The following INSYN2B variants were observed in gnomAD, a reference collection of about 807,000 sequenced individuals.
The protein encoded by INSYN2B is inhibitory synaptic factor family member 2B, also known as protein INSYN2B.
INSYN2B carries 16 observed loss-of-function variants against 41.2 expected under a neutral mutation model. The observed-to-expected ratio is 0.39, with a 90% CI of 0.26 to 0.59. The LOEUF (loss-of-function observed/expected upper bound fraction) is 0.59. INSYN2B is among the 20% of genes least tolerant of loss of function. INSYN2B has a pLI of 0.57. For synonymous variants in INSYN2B, 245 were observed against 244.4 expected (o/e 1.00, Z -0.02); for missense variants, 608 against 646.4 (o/e 0.94, Z 0.64).
At chr5:169,886,100 G>C (rs1772952604) in intron 1 of INSYN2B, among the ~76,000 whole-genome samples, 1 of 152,088 alleles carries the variant, frequency 6.6e-6, no homozygotes, top group Non-Finnish European at 1.5e-5. Context: ...GGAGTGATCT[G>C]CATCTCTCTT....
intron 1 of INSYN2B, among the ~76,000 whole-genome samples, chr5:169,932,021 T>A (rs1775779955): frequency 6.6e-6 from 1 of 152,038 alleles, no homozygotes. Context: ...CCCAACAGAG[T>A]CCTGACCTCA....
At chr5:169,898,899 GC>G (rs1280396386) in intron 1 of INSYN2B, among the ~76,000 whole-genome samples, 2 of 152,180 alleles carry the variant, frequency 1.3e-5, no homozygotes, top group Non-Finnish European at 2.9e-5. Flanking sequence ...ATGGAAATGA[GC>G]AACCACAGAG....
At chr5:169,975,456 G>A (rs1378548843) in intron 1 of INSYN2B, among the ~76,000 whole-genome samples, 1 of 152,166 alleles carries the variant, frequency 6.6e-6, no homozygotes, top group African/African-American at 2.4e-5. Context: ...ACTGCTGCCT[G>A]TCTCTCTGAC....
chr5:169,972,136 C>T (rs955130932), intron 1 of INSYN2B, among the ~76,000 whole-genome samples: 1 of 152,118 alleles, frequency 6.6e-6, no homozygotes, highest in Non-Finnish European at 1.5e-5. Flanking sequence ...CTAAGATGTC[C>T]TTTCCCATTC....
At chr5:169,980,101 A>G (rs1438770289) in intron 1 of INSYN2B, among the ~76,000 whole-genome samples, 176 bp downstream of exon 1, 1 of 152,184 alleles carries the variant, frequency 6.6e-6, no homozygotes, top group African/African-American at 2.4e-5. Context: ...GGCAGCCTGC[A>G]GTTCTGACAA....
chr5:169,924,424 C>A (rs1775331934), intron 1 of INSYN2B, among the ~76,000 whole-genome samples: 1 of 152,174 alleles, frequency 6.6e-6, no homozygotes, highest in Non-Finnish European at 1.5e-5. Flanking sequence ...TCCAACCATC[C>A]TGTCAGCAAA....
intron 1 of INSYN2B, among the ~76,000 whole-genome samples, chr5:169,959,147 C>T (rs1342497626): frequency 6.6e-6 from 1 of 152,052 alleles, no homozygotes; most frequent in East Asian, 1.9e-4. Context: ...AATCCCAGCA[C>T]TTTGGGAGGC....
At chr5:169,888,514 C>T (rs2113529205) in intron 1 of INSYN2B, among the ~76,000 whole-genome samples, 2 of 152,270 alleles carry the variant, frequency 1.3e-5, no homozygotes, top group Middle Eastern at 3.4e-3. Context: ...AATCAGTGTC[C>T]ATTCAGTAGA....
chr5:169,933,646 C>T (rs747403052), intron 1 of INSYN2B, among the ~76,000 whole-genome samples: 1 of 152,132 alleles, frequency 6.6e-6, no homozygotes, highest in Non-Finnish European at 1.5e-5. Context: ...TGAGGAGTAA[C>T]AGCTGTAGAA....
intron 1 of INSYN2B, among the ~76,000 whole-genome samples, chr5:169,950,698 G>A (rs181831755): frequency 8.5e-5 from 13 of 152,240 alleles, no homozygotes; most frequent in South Asian, 2.1e-4. Context: ...GAATTTTGTC[G>A]TTATTCCTGG....
intron 1 of INSYN2B, among the ~76,000 whole-genome samples, chr5:169,928,966 G>A (rs950928596): frequency 3.9e-5 from 6 of 152,198 alleles, no homozygotes; most frequent in South Asian, 2.1e-4. Context: ...CTTTGAGATA[G>A]ACTAAAAGGC....
chr5:169,956,039 GA>G (rs577395351), intron 1 of INSYN2B, among the ~76,000 whole-genome samples: 2,146 of 132,694 alleles, frequency 0.016, 13 homozygotes, highest in African/African-American at 0.029. Flanking sequence ...ACATAGATTT[GA>G]AAAAAAAAAA....
chr5:169,872,212 C>T (rs1040112964), intron 3 of INSYN2B, among the ~76,000 whole-genome samples: 9 of 152,228 alleles, frequency 5.9e-5, no homozygotes, highest in African/African-American at 2.2e-4. Context: ...CACTGATTTA[C>T]TGACCTCCTG....
intron 1 of INSYN2B, among the ~76,000 whole-genome samples, chr5:169,962,622 G>C (rs186303676): frequency 1.3e-5 from 2 of 152,240 alleles, no homozygotes; most frequent in East Asian, 3.9e-4. Flanking sequence ...GTTAGACAAA[G>C]AGGTTAGACA....
intron 1 of INSYN2B, among the ~76,000 whole-genome samples, chr5:169,978,298 G>A (rs1777791473): frequency 1.5e-5 from 2 of 133,558 alleles, no homozygotes; most frequent in Non-Finnish European, 3.1e-5. Flanking sequence ...TATTTTGTTT[G>A]TTTGTTTCCC....
chr5:169,974,698 A>C (rs1421230401), intron 1 of INSYN2B, among the ~76,000 whole-genome samples: 1 of 152,132 alleles, frequency 6.6e-6, no homozygotes, highest in Non-Finnish European at 1.5e-5. Flanking sequence ...GTGTGAACTG[A>C]GGAATATACC....
At chr5:169,900,397 T>C (rs973310710) in intron 1 of INSYN2B, among the ~76,000 whole-genome samples, 1 of 152,030 alleles carries the variant, frequency 6.6e-6, no homozygotes, top group Non-Finnish European at 1.5e-5. Context: ...GAAATGGAAG[T>C]TTTTCCTTCC....
chr5:169,868,799 ATG>A (rs1381530095), intron 3 of INSYN2B, among the ~76,000 whole-genome samples: 1 of 152,174 alleles, frequency 6.6e-6, no homozygotes, highest in Non-Finnish European at 1.5e-5. Flanking sequence ...TGATTCTAGA[ATG>A]TGTATGGAAC....
At chr5:169,920,201 T>C (rs548078232) in intron 1 of INSYN2B, among the ~76,000 whole-genome samples, 1 of 152,318 alleles carries the variant, frequency 6.6e-6, no homozygotes, top group East Asian at 1.9e-4. Context: ...CTTCAGAGAC[T>C]CAGCTCCTCA....
Sources: allele counts gnomAD v4.1 joint callset (sites outside exome capture counted in the v4.1 genomes callset), GRCh38; gene constraint gnomAD v4.1.1; transcripts MANE v1.5; gene names NCBI Gene and HGNC (gene_info 2026-07-23, HGNC 2026-07-21).